Variants in KCNJ3 observed in about 807,000 individuals in gnomAD.
The protein encoded by KCNJ3 is G protein-activated inward rectifier potassium channel 1.
A neutral mutation model predicts 39.2 loss-of-function variants in KCNJ3; 4 were observed. The observed-to-expected ratio is 0.10, with a 90% CI of 0.05 to 0.23. The LOEUF (loss-of-function observed/expected upper bound fraction) is 0.23, where lower values mean the gene tolerates loss of function less well. Among genes scored for constraint, KCNJ3 ranks in the 10% least tolerant of loss-of-function variants. KCNJ3 has a pLI of 1.00. For missense variants in KCNJ3, 276 were observed against 634.9 expected, an observed-to-expected ratio of 0.43 and a Z score of 6.08; for synonymous variants, 230 against 237.4, an observed-to-expected ratio of 0.97 and a Z score of 0.29.
At position 154,746,609 on chromosome 2, in the gene KCNJ3, GATATAT is replaced by G. The variant is rs59587484; in HGVS notation, c.919+36807_919+36812del. The stretch of plus-strand genomic sequence containing the variant: ...CTGTATGTGTGTGTGCGTATACACA[GATATAT>G]ATATATATATATATATGTATATATG... On this transcript the variant is annotated intron_variant, in intron 2 of 2. Transcript: ENST00000295101. Among the ~76,000 whole-genome samples the G allele has an allele frequency of 4.1e-3, 587 of 143,340 alleles. 4 individuals carry two copies. Among genetic ancestry groups the G allele is most frequent in the African/African-American group, 0.013 (523 of 39,124 alleles). 94.0% of individuals were successfully genotyped at this position (143,340 alleles called of 152,430 possible). A position where few individuals can be genotyped will look rare whatever the true frequency, so the allele number is the denominator to read the frequency against.
intron 2 of KCNJ3, among the ~76,000 whole-genome samples, chr2:154,793,966 T>G (rs1188990828): frequency 6.6e-6 from 1 of 151,952 alleles, no homozygotes; most frequent in Admixed American, 6.6e-5. Context: ...CTGAAGCAAA[T>G]GCCTTGCTAT....
chr2:154,814,403 T>C (rs2652454), intron 2 of KCNJ3, among the ~76,000 whole-genome samples: 70,534 of 151,906 alleles, frequency 0.46, 17,476 homozygotes, highest in Non-Finnish European at 0.56. Flanking sequence ...TTTGGGAGGC[T>C]GAGGTGGGCA....
intron 2 of KCNJ3, among the ~76,000 whole-genome samples, chr2:154,743,657 AT>A (rs1191672536): frequency 1.3e-5 from 2 of 151,460 alleles, no homozygotes; most frequent in South Asian, 2.1e-4. Context: ...AATAAAACTG[AT>A]TTTTTTAATG....
intron 2 of KCNJ3, among the ~76,000 whole-genome samples, chr2:154,776,024 G>T (rs1686327546): frequency 6.9e-6 from 1 of 144,914 alleles, no homozygotes; most frequent in African/African-American, 2.6e-5. Flanking sequence ...TTTTTGAGAT[G>T]GAATTTCGCT....
intron 2 of KCNJ3, among the ~76,000 whole-genome samples, chr2:154,791,470 C>G (rs1049947971): frequency 8.6e-5 from 13 of 151,910 alleles, no homozygotes; most frequent in Non-Finnish European, 1.5e-4. Context: ...AATGTGCATT[C>G]AAGAGAGGTT....
chr2:154,756,468 T>C (rs1394359277), intron 2 of KCNJ3, among the ~76,000 whole-genome samples: 2 of 152,144 alleles, frequency 1.3e-5, no homozygotes, highest in Non-Finnish European at 2.9e-5. Context: ...ATAGTGCCAT[T>C]TTCATTAAAA....
At chr2:154,798,503 A>C (rs1558876875) in intron 2 of KCNJ3, among the ~76,000 whole-genome samples, 1 of 152,176 alleles carries the variant, frequency 6.6e-6, no homozygotes, top group Non-Finnish European at 1.5e-5. Flanking sequence ...TTAAGGGATG[A>C]CTAGCCTTTC....
chr2:154,769,883 C>A lies in KCNJ3; in HGVS notation c.919+60064C>A, dbSNP rs374197854. Among the ~76,000 whole-genome samples the A allele has an allele frequency of 1.1e-4, 17 of 152,040 alleles. No homozygotes were observed. In the East Asian group the frequency reaches 2.5e-3, roughly 22 times the overall value. ...TATACAGAAATGGGTGGAAGGAAAG[C>A]TTTATGAATCCCAAAACTAATAATA... On this transcript the variant is annotated intron_variant, in intron 2 of 2. Coordinates refer to ENST00000295101, the MANE Select transcript of KCNJ3 (RefSeq NM_002239.4).
chr2:154,835,324 G>A (rs1687436149), intron 2 of KCNJ3, among the ~76,000 whole-genome samples: 1 of 145,548 alleles, frequency 6.9e-6, no homozygotes, highest in Middle Eastern at 3.5e-3. Context: ...ATAACTTTAC[G>A]ACAATAAATT....
intron 2 of KCNJ3, among the ~76,000 whole-genome samples, chr2:154,752,215 T>G (rs891793178): frequency 6.6e-6 from 1 of 152,012 alleles, no homozygotes; most frequent in Admixed American, 6.6e-5. Context: ...ACTGAGATTG[T>G]TTTTCTTTAG....
intron 2 of KCNJ3, among the ~76,000 whole-genome samples, chr2:154,728,289 CT>C (rs1372605075): frequency 6.6e-6 from 1 of 152,032 alleles, no homozygotes; most frequent in Admixed American, 6.6e-5. Context: ...CAGAAATCAC[CT>C]TGTGTCTTAA....
At chr2:154,783,245 A>G (rs560946132) in intron 2 of KCNJ3, among the ~76,000 whole-genome samples, 108 of 152,320 alleles carry the variant, frequency 7.1e-4, no homozygotes, top group African/African-American at 2.5e-3. Context: ...AACAACAAGT[A>G]GGATTTTAAT....
intron 2 of KCNJ3, among the ~76,000 whole-genome samples, chr2:154,723,937 TA>T (rs1277013195): frequency 6.6e-6 from 1 of 152,180 alleles, no homozygotes; most frequent in Non-Finnish European, 1.5e-5. Flanking sequence ...ATTAGATTTC[TA>T]AAAAGCTTTT....
chr2:154,775,032 T>C (rs1686308590), intron 2 of KCNJ3, among the ~76,000 whole-genome samples: 1 of 152,138 alleles, frequency 6.6e-6, no homozygotes, highest in Non-Finnish European at 1.5e-5. Context: ...TCCTCCTGTT[T>C]TAGCGTCTCG....
chr2:154,815,609 T>G (rs1312933950), intron 2 of KCNJ3, among the ~76,000 whole-genome samples: 1 of 152,234 alleles, frequency 6.6e-6, no homozygotes, highest in Non-Finnish European at 1.5e-5. Context: ...CATAGGCATA[T>G]ATGAAGTGCT....
intron 2 of KCNJ3, among the ~76,000 whole-genome samples, chr2:154,783,470 G>A (rs1047187456): frequency 1.3e-5 from 2 of 152,078 alleles, no homozygotes; most frequent in Admixed American, 6.5e-5. Context: ...ATATTTTCCT[G>A]CCACTACTAA....
chr2:154,839,587 C>T (rs913044904), intron 2 of KCNJ3, among the ~76,000 whole-genome samples: 2 of 152,186 alleles, frequency 1.3e-5, no homozygotes, highest in African/African-American at 4.8e-5. Context: ...CACATCCTCT[C>T]CAGCATCTGT....
intron 1 of KCNJ3, among the ~76,000 whole-genome samples, chr2:154,700,932 T>G (rs1353322120): frequency 6.6e-6 from 1 of 152,212 alleles, no homozygotes; most frequent in Non-Finnish European, 1.5e-5. Context: ...CTGGTTCTGA[T>G]GTAAACGTTC....
At chr2:154,722,883 C>CA (rs1272735985) in intron 2 of KCNJ3, among the ~76,000 whole-genome samples, 6 of 152,090 alleles carry the variant, frequency 3.9e-5, no homozygotes, top group Admixed American at 2.0e-4. Flanking sequence ...CTTGAAAACT[C>CA]AAAGTATGTA....
Sources: gnomAD v4.1 joint callset for allele counts (sites outside exome capture counted in the v4.1 genomes callset) on GRCh38, gnomAD v4.1.1 for gene constraint, MANE v1.5 for transcripts, NCBI Gene and HGNC (gene_info 2026-07-23, HGNC 2026-07-21) for gene names.